The following DLG1 variants were observed in gnomAD, a reference collection of about 807,000 sequenced individuals.
DLG1 encodes disks large homolog 1.
A neutral mutation model predicts 123.4 loss-of-function variants in DLG1; 42 were observed. The ratio of observed to expected loss-of-function variants is 0.34; its 90% CI spans 0.27 to 0.44. The LOEUF (loss-of-function observed/expected upper bound fraction) is 0.44, where lower values mean the gene tolerates loss of function less well. DLG1 is among the 20% of genes least tolerant of loss of function. The pLI is 1.00. For missense variants in DLG1, 942 were observed against 1,082.6 expected, an observed-to-expected ratio of 0.87 and a Z score of 1.82; for synonymous variants, 317 against 356.2, an observed-to-expected ratio of 0.89 and a Z score of 1.24.
chr3:197,067,041 C>G (rs1578428355), intron 19 of DLG1, among the ~76,000 whole-genome samples: 2 of 152,006 alleles, frequency 1.3e-5, no homozygotes, highest in East Asian at 3.9e-4. Context: ...TGTGCTACTC[C>G]TTTATTTAGA....
At chr3:197,079,438 ACCCCACT>A (rs1449136806) in intron 17 of DLG1, among the ~76,000 whole-genome samples, 1 of 152,172 alleles carries the variant, frequency 6.6e-6, no homozygotes, top group South Asian at 2.1e-4. Context: ...GCGTATTTTC[ACCCCACT>A]CAGTATCATG....
intron 17 of DLG1, among the ~76,000 whole-genome samples, chr3:197,080,205 C>T (rs1467406953): frequency 6.9e-6 from 1 of 144,540 alleles, no homozygotes; most frequent in Non-Finnish European, 1.5e-5. Flanking sequence ...AGCAGAAGGA[C>T]TTAAAGTGAA....
intron 23 of DLG1, among the ~76,000 whole-genome samples, chr3:197,057,633 T>A (rs1732701662): frequency 6.6e-6 from 1 of 152,216 alleles, no homozygotes. Flanking sequence ...TCTTTTTCAT[T>A]TTTTTAACCT....
intron 23 of DLG1, among the ~76,000 whole-genome samples, chr3:197,059,325 T>C (rs1734162070): frequency 6.6e-6 from 1 of 152,176 alleles, no homozygotes; most frequent in Non-Finnish European, 1.5e-5. Context: ...TCTTTTCCTA[T>C]TCTCTTACTT....
chr3:197,109,163 T>G (rs1768332592), intron 13 of DLG1, among the ~76,000 whole-genome samples: 1 of 152,180 alleles, frequency 6.6e-6, no homozygotes, highest in Non-Finnish European at 1.5e-5. Flanking sequence ...TACAACACTT[T>G]GAGGGCTGGC....
Position 197,211,539 on chromosome 3 carries a change from A to G in DLG1, c.319-16950T>C, listed in dbSNP as rs931323420. On this transcript the variant is annotated intron_variant, in intron 4 of 24. Transcript: ENST00000667157. ...ACATAAACAGAACTAAATAAATGCA[A>G]ATCAAACACACAATGAGATACCATC... 3.6e-4 allele frequency among the ~76,000 whole-genome samples: 52 copies of G among 146,442 alleles called. 10 individuals are homozygous for G. The highest frequency in any genetic ancestry group is 2.6e-4 in the South Asian group (1 of 3,826).
At chr3:197,105,648 A>G (rs1035865097) in intron 13 of DLG1, among the ~76,000 whole-genome samples, 1 of 152,222 alleles carries the variant, frequency 6.6e-6, no homozygotes, top group African/African-American at 2.4e-5. Context: ...ATCCTACTCC[A>G]GAAGAAGAGG....
intron 23 of DLG1, among the ~76,000 whole-genome samples, chr3:197,052,203 C>T (rs1459739675): frequency 6.6e-6 from 1 of 151,832 alleles, no homozygotes. Context: ...ACCTGTAATC[C>T]CAGCATTTTG....
At position 197,059,076 on chromosome 3, in the gene DLG1, C is replaced by T. The variant is rs189221878; in HGVS notation, c.2483+813G>A. Among the ~76,000 whole-genome samples, 161 of 152,280 alleles carry T rather than the reference C, an allele frequency of 1.1e-3. 1 individual carries two copies. Among genetic ancestry groups the T allele is most frequent in the African/African-American group, 3.7e-3 (152 of 41,558 alleles). Reference sequence around the variant, plus strand: ...GAGTAGCTGGGACTACAGGTGCCCGCGACCACGCCCGGCTAATTTTCTGTA... The same window carrying T: ...GAGTAGCTGGGACTACAGGTGCCCGTGACCACGCCCGGCTAATTTTCTGTA... On this transcript the variant is annotated intron_variant, in intron 23 of 24. Transcript: ENST00000667157.
At chr3:197,291,075 T>C (rs1774620706) in intron 3 of DLG1, among the ~76,000 whole-genome samples, 1 of 152,058 alleles carries the variant, frequency 6.6e-6, no homozygotes, top group Admixed American at 6.6e-5. Context: ...AATATTTAGA[T>C]GCCTTTACAA....
intron 4 of DLG1, among the ~76,000 whole-genome samples, chr3:197,260,816 C>T (rs1364731502): frequency 1.4e-5 from 2 of 139,160 alleles, no homozygotes; most frequent in Admixed American, 1.5e-4. Context: ...ACATTTCTTC[C>T]ACTAAACCAT....
chr3:197,107,457 A>G (rs1767151254), intron 13 of DLG1, among the ~76,000 whole-genome samples: 1 of 152,088 alleles, frequency 6.6e-6, no homozygotes, highest in South Asian at 2.1e-4. Flanking sequence ...AGGCAGGAGA[A>G]TGGCGTGAAG....
At chr3:197,188,061 T>C (rs746032208) in intron 5 of DLG1, among the ~76,000 whole-genome samples, 21 of 152,036 alleles carry the variant, frequency 1.4e-4, no homozygotes, top group Non-Finnish European at 2.9e-4. Flanking sequence ...ACCACAATAA[T>C]CTAATAGATT....
At chr3:197,092,622 C>T (rs1308014009) in intron 14 of DLG1, among the ~76,000 whole-genome samples, 2 of 152,074 alleles carry the variant, frequency 1.3e-5, no homozygotes, top group South Asian at 2.1e-4. Flanking sequence ...CTCAGCCTTC[C>T]GAGTAGGTGA....
chr3:197,057,631 A>AT (rs1041100401), intron 23 of DLG1, among the ~76,000 whole-genome samples: 7 of 151,918 alleles, frequency 4.6e-5, no homozygotes, highest in Admixed American at 2.6e-4. Flanking sequence ...TGTCTTTTTC[A>AT]TTTTTTTAAC....
At chr3:197,153,816 G>A (rs1166318682) in intron 5 of DLG1, among the ~76,000 whole-genome samples, 2 of 152,016 alleles carry the variant, frequency 1.3e-5, no homozygotes, top group Non-Finnish European at 1.5e-5. Context: ...AAGACCCTAC[G>A]TTTACACCTG....
intron 23 of DLG1, among the ~76,000 whole-genome samples, chr3:197,057,050 G>C (rs888331343): frequency 5.3e-5 from 8 of 151,746 alleles, no homozygotes; most frequent in Non-Finnish European, 1.2e-4. Flanking sequence ...GATAGTATTT[G>C]GGTAGTTTCT....
At chr3:197,189,466 T>C (rs1189715985) in intron 5 of DLG1, among the ~76,000 whole-genome samples, 1 of 152,166 alleles carries the variant, frequency 6.6e-6, no homozygotes, top group African/African-American at 2.4e-5. Context: ...ATACACACAA[T>C]TTTTTTCTGC....
intron 18 of DLG1, among the ~76,000 whole-genome samples, chr3:197,075,317 C>CAAAAAAAA (rs58384491): frequency 1.1e-5 from 1 of 90,296 alleles, no homozygotes; most frequent in Non-Finnish European, 2.2e-5. Context: ...ATAACTTTCT[C>CAAAAAAAA]AAAAAAAAAA....
Sources: allele counts gnomAD v4.1 joint callset (sites outside exome capture counted in the v4.1 genomes callset), GRCh38; gene constraint gnomAD v4.1.1; transcripts MANE v1.5; gene names NCBI Gene and HGNC (gene_info 2026-07-23, HGNC 2026-07-21).